The following PHF8 variants were observed in gnomAD, a reference collection of about 807,000 sequenced individuals.
The protein encoded by PHF8 is histone lysine demethylase PHF8.
In PHF8, 9 loss-of-function variants were observed where a neutral mutation model predicts 74.4. That is an observed-to-expected ratio of 0.12 (90% confidence interval 0.07 to 0.21). The LOEUF is 0.21. Among genes scored for constraint, PHF8 ranks in the 10% least tolerant of loss-of-function variants. PHF8 has a pLI of 1.00. For synonymous variants in PHF8, 311 were observed against 316.6 expected (o/e 0.98, Z 0.19); for missense variants, 478 against 816.6 (o/e 0.59, Z 5.05).
At chrX:53,953,003 G>C (rs1313629764) in intron 19 of PHF8, among the ~76,000 whole-genome samples, 1 of 110,411 alleles carries the variant, frequency 9.1e-6, no homozygotes, top group Non-Finnish European at 1.9e-5. Flanking sequence ...GGCCAGGTGC[G>C]GTGGCTCGCG....
intron 2 of PHF8, among the ~76,000 whole-genome samples, chrX:54,032,400 C>A (rs1315099257): frequency 2.7e-5 from 3 of 111,014 alleles, no homozygotes. Flanking sequence ...CTCACTCACT[C>A]TGTTCCAATA....
intron 8 of PHF8, among the ~76,000 whole-genome samples, chrX:54,008,871 T>C (rs1426387347): frequency 9.0e-6 from 1 of 110,935 alleles, no homozygotes; most frequent in African/African-American, 3.3e-5. Flanking sequence ...GTATAGGGTT[T>C]TTTTAAAAAA....
intron 8 of PHF8, among the ~76,000 whole-genome samples, chrX:54,008,349 T>C (rs1242282022): frequency 1.2e-5 from 1 of 80,164 alleles, no homozygotes; most frequent in African/African-American, 5.1e-5. Flanking sequence ...CACTCCAGCC[T>C]GGCAACAGAG....
intron 8 of PHF8, among the ~76,000 whole-genome samples, chrX:54,010,468 G>A (rs1428953515): frequency 8.9e-6 from 1 of 112,042 alleles, no homozygotes; most frequent in Non-Finnish European, 1.9e-5. Context: ...TTTTTAAATT[G>A]AATGTTAATT....
chrX:53,949,385 A>T (rs782542490), intron 19 of PHF8, among the ~76,000 whole-genome samples: 47 of 112,127 alleles, frequency 4.2e-4, no homozygotes, highest in African/African-American at 1.5e-3. Context: ...AATGAACAAG[A>T]CTAAGAGCTT....
At chrX:53,966,635 G>C (rs1156843741) in intron 18 of PHF8, among the ~76,000 whole-genome samples, 1 of 111,916 alleles carries the variant, frequency 8.9e-6, no homozygotes, top group Non-Finnish European at 1.9e-5. Context: ...CCAGAGTGCA[G>C]CCACTGCCCG....
intron 19 of PHF8, among the ~76,000 whole-genome samples, chrX:53,962,275 T>C (rs782416692): frequency 6.2e-5 from 7 of 112,051 alleles, no homozygotes; most frequent in Non-Finnish European, 1.1e-4. Flanking sequence ...CCACTAAGTT[T>C]TGGGCAGACT....
chrX:53,980,839 G>A (rs2065468788), intron 18 of PHF8, among the ~76,000 whole-genome samples: 1 of 112,635 alleles, frequency 8.9e-6, no homozygotes. Context: ...CATACAAGAA[G>A]ACCTGAATAA....
chrX:53,973,613 C>T (rs1389307646), intron 18 of PHF8, among the ~76,000 whole-genome samples: 10 of 111,483 alleles, frequency 9.0e-5, no homozygotes, highest in African/African-American at 2.9e-4. Flanking sequence ...AAAACTGGAT[C>T]CCTTCCTTAT....
At position 54,043,876 on chromosome X, in the gene PHF8, T is replaced by C. The variant is rs782057698; in HGVS notation, c.-207A>G. 3.3e-5 allele frequency: 25 copies of C among 752,718 alleles called. No individual in the cohort carries two copies. Among genetic ancestry groups the C allele is most frequent in the Non-Finnish European group, 3.8e-5 (24 of 638,276 alleles). 62.0% of individuals were successfully genotyped at this position (752,718 alleles called of 1,213,427 possible). ...TCCTCATGCTTTGGGCTGCAAGGACTCCACGCCCGCGGAGCTCAGCCCCAG... is the reference window on the plus strand; with the variant it reads ...TCCTCATGCTTTGGGCTGCAAGGACCCCACGCCCGCGGAGCTCAGCCCCAG... On this transcript the variant is annotated 5_prime_UTR_variant, in exon 1 of 22. Transcript: ENST00000338154.
rs1471218572 is a variant in PHF8 at position 53,999,525 on chromosome X, T to A, written c.1233+345A>T. 24 of 218,342 alleles carry A rather than the reference T, an allele frequency of 1.1e-4. 1 individual carries two copies. In the East Asian group the frequency reaches 2.8e-3, roughly 26 times the overall value. The allele number at this position is 218,342 out of a possible 1,213,427, so 18.0% of individuals were successfully genotyped here. ...CATTGTTCAAGGGTCAACCACACAG[T>A]GTGACAGTAATTATGTTTTTAAAAT... is the stretch of plus-strand genomic sequence containing the variant. On this transcript the variant is annotated intron_variant, in intron 11 of 21. Coordinates refer to ENST00000338154, the MANE Select transcript of PHF8 (RefSeq NM_015107.3).
At chrX:53,999,581 A>C (rs1224454893) in intron 11 of PHF8, 2 of 290,489 alleles carry the variant, frequency 6.9e-6, no homozygotes, top group Non-Finnish European at 6.1e-6. Context: ...GGAAATGTAC[A>C]CAAGTGTTAA....
Position 54,044,399 on chromosome X carries a change from G to A in PHF8, c.-730C>T. The A allele has an allele frequency of 1.3e-6, 1 of 753,356 alleles. No homozygotes were observed. The highest frequency in any genetic ancestry group is 1.5e-4 in the East Asian group (1 of 6,674). 62.1% of individuals were successfully genotyped at this position (753,356 alleles called of 1,213,427 possible). On this transcript the variant is annotated 5_prime_UTR_variant, in exon 1 of 22. Coordinates refer to ENST00000338154, the MANE Select transcript of PHF8 (RefSeq NM_015107.3). ...GGGGAGGAGAAATACGGGATAAACA[G>A]CTACCATGTTGAGAGTGGCGGCGCT...
rs782739662 is a variant in PHF8 at position 54,008,532 on chromosome X, T to C, written c.946+2590A>G. 2.6e-4 allele frequency among the ~76,000 whole-genome samples: 28 copies of C among 105,746 alleles called. 1 individual carries two copies. The South Asian group carries it at 0.011, about 42-fold the overall frequency. 91.8% of individuals were successfully genotyped at this position (105,746 alleles called of 115,157 possible). A position where few individuals can be genotyped will look rare whatever the true frequency, so the allele number is the denominator to read the frequency against. On this transcript the variant is annotated intron_variant, in intron 8 of 21. Coordinates refer to ENST00000338154, the MANE Select transcript of PHF8 (RefSeq NM_015107.3). The stretch of plus-strand genomic sequence containing the variant: ...GGTGAAACCCCATCTCTACTAAAAA[T>C]ACAAAAATTACCCAGGCCAGTGGTG...
At chrX:53,984,083 C>T (rs1251970889) in intron 18 of PHF8, among the ~76,000 whole-genome samples, 6 of 112,254 alleles carry the variant, frequency 5.3e-5, no homozygotes, top group Non-Finnish European at 7.5e-5. Flanking sequence ...AAACAATGGC[C>T]GGGCGCGATG....
intron 2 of PHF8, among the ~76,000 whole-genome samples, chrX:54,040,227 AGAGT>A (rs1387453280): frequency 8.9e-6 from 1 of 112,087 alleles, no homozygotes; most frequent in African/African-American, 3.2e-5. Context: ...CCCTGTTTCC[AGAGT>A]GAGGAGTTAG....
Position 53,945,775 on chromosome X carries a change from C to G in PHF8, c.2540-1532G>C, listed in dbSNP as rs148231985. 2.2e-3 allele frequency among the ~76,000 whole-genome samples: 247 copies of G among 111,332 alleles called. 3 individuals are homozygous for G. The highest frequency in any genetic ancestry group is 7.8e-3 in the African/African-American group (238 of 30,675). On this transcript the variant is annotated intron_variant, in intron 19 of 21. Transcript: ENST00000338154. ...TCCTTTTTGTCTGCCTATTCAAAAC[C>G]TACCCATTCTTTAAGGTAAGCTGAA...
intron 2 of PHF8, among the ~76,000 whole-genome samples, chrX:54,029,838 C>A (rs868924609): frequency 3.6e-5 from 4 of 111,966 alleles, no homozygotes; most frequent in Non-Finnish European, 7.5e-5. Flanking sequence ...CCATCACATA[C>A]CAATCACAAA....
chrX:53,937,873 T>C lies in PHF8; in HGVS notation c.*1285A>G. 7 of 627,852 alleles carry C rather than the reference T, an allele frequency of 1.1e-5. No individual in the cohort carries two copies. Among genetic ancestry groups the C allele is most frequent in the South Asian group, 5.4e-5 (2 of 37,375 alleles). 51.7% of individuals were successfully genotyped at this position (627,852 alleles called of 1,213,427 possible). A position where few individuals can be genotyped will look rare whatever the true frequency, so the allele number is the denominator to read the frequency against. Reference sequence around the variant, plus strand: ...GGGGATGTTCTCCATCGAGTCCAGATTGCCAGTGAGGCAAGGCGGTGGGAG... The same window carrying C: ...GGGGATGTTCTCCATCGAGTCCAGACTGCCAGTGAGGCAAGGCGGTGGGAG... On this transcript the variant is annotated 3_prime_UTR_variant, in exon 22 of 22. Coordinates refer to ENST00000338154, the MANE Select transcript of PHF8 (RefSeq NM_015107.3).
Sources: allele counts gnomAD v4.1 joint callset (sites outside exome capture counted in the v4.1 genomes callset), GRCh38; gene constraint gnomAD v4.1.1; transcripts MANE v1.5; gene names NCBI Gene and HGNC (gene_info 2026-07-23, HGNC 2026-07-21).